The following ZFAT variants were observed in gnomAD, a reference collection of about 807,000 sequenced individuals.
ZFAT encodes the protein zinc finger and AT-hook domain containing, also known as zinc finger protein ZFAT.
A neutral mutation model predicts 117.7 loss-of-function variants in ZFAT; 64 were observed. The ratio of observed to expected loss-of-function variants is 0.54; its 90% CI spans 0.44 to 0.67. The LOEUF is 0.67. Among genes scored for constraint, ZFAT ranks in the 30% least tolerant of loss-of-function variants. The pLI, the probability that ZFAT is intolerant of heterozygous loss-of-function variation, is 0.00. For missense variants in ZFAT, 1,433 were observed against 1,584.5 expected, an observed-to-expected ratio of 0.90 and a Z score of 1.62; for synonymous variants, 679 against 615.0, an observed-to-expected ratio of 1.10 and a Z score of -1.54.
At chr8:134,756,126 T>A in the ZFAT span, among the ~76,000 whole-genome samples, 1 of 152,228 alleles carries the variant, frequency 6.6e-6, no homozygotes, top group Non-Finnish European at 1.5e-5. Context: ...GATAAGCAGC[T>A]TTCTCTGCCT....
Position 134,602,228 on chromosome 8 carries a change from G to C in ZFAT, c.1491C>G (p.Ser497Arg). The change falls in exon 6 of 16, where the codon AGC becomes AGG. Residue 497 changes from serine to arginine, a missense_variant. Ser to Arg is a moderately radical substitution (Grantham distance 110). Around this residue, in one of 5 missense-constraint regions of ZFAT, gnomAD observed 372 missense variants for 355.6 expected, o/e 1.05. Transcript: ENST00000377838. ...CCCCACCAGGTTCCAGGAGGCAGAAGCTCTGGTTGATGGAACTGGTGAAGA... is the reference window on the plus strand; with the variant it reads ...CCCCACCAGGTTCCAGGAGGCAGAACCTCTGGTTGATGGAACTGGTGAAGA... ...ALVFTSSINQ[S>R]FCLLEPGGDI... 1 of 1,613,696 alleles carries C rather than the reference G, an allele frequency of 6.2e-7. No individual in the cohort carries two copies. Among genetic ancestry groups the C allele is most frequent in the East Asian group, 2.2e-5 (1 of 44,890 alleles).
At chr8:134,712,803 C>T (rs770034128) in intron 1 of ZFAT, 42 bp downstream of exon 1, 8 of 924,794 alleles carry the variant, frequency 8.7e-6, no homozygotes, top group South Asian at 1.5e-5. Context: ...GCGCCGCGCC[C>T]CACCCCCACC....
the ZFAT span, among the ~76,000 whole-genome samples, chr8:134,812,186 G>A: frequency 6.6e-6 from 1 of 152,016 alleles, no homozygotes; most frequent in South Asian, 2.1e-4. Flanking sequence ...TACCTATCTT[G>A]GAGGGTTATT....
the ZFAT span, among the ~76,000 whole-genome samples, chr8:134,808,745 T>A: frequency 2.6e-5 from 4 of 152,224 alleles, no homozygotes; most frequent in African/African-American, 9.6e-5. Context: ...TTTATGTAAC[T>A]AGATTTTTAC....
chr8:134,538,533 C>T (rs1221923505), intron 11 of ZFAT, among the ~76,000 whole-genome samples: 2 of 152,160 alleles, frequency 1.3e-5, no homozygotes, highest in East Asian at 1.9e-4. Context: ...CGCAGTGGCT[C>T]ACGCCTGTAA....
chr8:134,649,559 A>G (rs2131165898), intron 2 of ZFAT, among the ~76,000 whole-genome samples: 1 of 152,366 alleles, frequency 6.6e-6, no homozygotes, highest in East Asian at 1.9e-4. Flanking sequence ...TTTATAAACT[A>G]GCAATGAGCA....
At chr8:134,804,681 G>A in the ZFAT span, among the ~76,000 whole-genome samples, 2 of 152,162 alleles carry the variant, frequency 1.3e-5, no homozygotes, top group African/African-American at 2.4e-5. Flanking sequence ...GCAGCAGCAC[G>A]CTAAGTCTGG....
At chr8:134,684,405 C>G (rs1247293179) in intron 1 of ZFAT, among the ~76,000 whole-genome samples, 1 of 152,220 alleles carries the variant, frequency 6.6e-6, no homozygotes, top group Admixed American at 6.5e-5. Flanking sequence ...AGATCTCCAT[C>G]TTACAGGAGG....
intron 3 of ZFAT, among the ~76,000 whole-genome samples, chr8:134,624,138 C>T (rs1829320433): frequency 6.6e-6 from 1 of 151,744 alleles, no homozygotes; most frequent in Non-Finnish European, 1.5e-5. Context: ...TCAAAAAGTT[C>T]CCATTCTTCT....
At chr8:134,556,747 G>A (rs995805377) in intron 11 of ZFAT, among the ~76,000 whole-genome samples, 2 of 151,982 alleles carry the variant, frequency 1.3e-5, no homozygotes, top group South Asian at 2.1e-4. Context: ...GACAAAAATC[G>A]AGAGAATTTA....
At chr8:134,713,595 C>G (rs1193651843), upstream of ZFAT, among the ~76,000 whole-genome samples, 1 of 152,132 alleles carries the variant, frequency 6.6e-6, no homozygotes, top group Non-Finnish European at 1.5e-5. Context: ...TCTCTCGTCT[C>G]TTTTTGTCCC....
chr8:134,741,325 C>G, the ZFAT span, among the ~76,000 whole-genome samples: 1,351 of 152,276 alleles, frequency 8.9e-3, 13 homozygotes, highest in African/African-American at 0.031. Flanking sequence ...TCTGAAACTG[C>G]TCCAGCCAGG....
At chr8:134,661,081 A>G (rs902096572) in intron 1 of ZFAT, among the ~76,000 whole-genome samples, 17 of 152,364 alleles carry the variant, frequency 1.1e-4, no homozygotes, top group African/African-American at 3.8e-4. Flanking sequence ...GACGTGGGCC[A>G]TGAGAGTGGG....
chr8:134,808,528 C>T, the ZFAT span, among the ~76,000 whole-genome samples: 1 of 152,188 alleles, frequency 6.6e-6, no homozygotes, highest in African/African-American at 2.4e-5. Flanking sequence ...GACATCTAAG[C>T]CCAGCACAAT....
At chr8:134,482,877 A>G (rs182138226) in intron 15 of ZFAT, among the ~76,000 whole-genome samples, 2 of 152,342 alleles carry the variant, frequency 1.3e-5, no homozygotes, top group African/African-American at 2.4e-5. Flanking sequence ...CAAGACACGC[A>G]GGGTTCCTGA....
the ZFAT span, among the ~76,000 whole-genome samples, chr8:134,814,736 A>G: frequency 2.0e-5 from 3 of 152,218 alleles, no homozygotes; most frequent in African/African-American, 7.2e-5. Context: ...CTTGTGTAGC[A>G]ACTGTGTTTA....
chr8:134,723,826 C>T, the ZFAT span: 1 of 152,216 alleles, frequency 6.6e-6, no homozygotes, highest in African/African-American at 2.4e-5. Context: ...GAAGTTCCCG[C>T]AGTAACTGGC....
chr8:134,590,233 A>C lies in ZFAT; in HGVS notation c.2563+35T>G, dbSNP rs756432788. 5.9e-6 allele frequency: 9 copies of C among 1,519,120 alleles called. No individual in the cohort carries two copies. The Admixed American group carries it at 1.6e-4, about 27-fold the overall frequency. The allele number at this position is 1,519,120 out of a possible 1,614,324, so 94.1% of individuals were successfully genotyped here. On this transcript the variant is annotated intron_variant, in intron 8 of 15. Transcript: ENST00000377838. ...TTTAAAATAAACATAAGCATTTTTA[A>C]CATTAATCTTCCACTCCAAAATGCA...
intron 1 of ZFAT, among the ~76,000 whole-genome samples, chr8:134,684,770 T>C: frequency 6.6e-6 from 1 of 152,222 alleles, no homozygotes; most frequent in East Asian, 1.9e-4. Context: ...GTTTCATTCA[T>C]TGCAACGAGA....
Sources: allele counts gnomAD v4.1 joint callset (sites outside exome capture counted in the v4.1 genomes callset), GRCh38; gene constraint gnomAD v4.1.1; regional missense constraint gnomAD v4.1.1; transcripts MANE v1.5; gene names NCBI Gene and HGNC (gene_info 2026-07-23, HGNC 2026-07-21).